Variants in CMIP observed in about 807,000 individuals in gnomAD.
CMIP encodes the protein c-Maf inducing protein.
CMIP carries 13 observed loss-of-function variants against 97.3 expected under a neutral mutation model. That is an observed-to-expected ratio of 0.13 (90% CI 0.09 to 0.21). The LOEUF is 0.21. Among genes scored for constraint, CMIP ranks in the 10% least tolerant of loss-of-function variants. The pLI is 1.00. For synonymous variants in CMIP, 538 were observed against 436.3 expected (o/e 1.23, Z -2.91); for missense variants, 847 against 1,024.9 (o/e 0.83, Z 2.37).
chr16:81,634,144 T>C (rs2092203368), intron 3 of CMIP, among the ~76,000 whole-genome samples: 1 of 152,170 alleles, frequency 6.6e-6, no homozygotes, highest in African/African-American at 2.4e-5. Context: ...AGCAAACTAT[T>C]TTAACATACC....
intron 10 of CMIP, among the ~76,000 whole-genome samples, chr16:81,688,386 C>T (rs550316000): frequency 2.0e-5 from 3 of 152,354 alleles, no homozygotes; most frequent in Non-Finnish European, 4.4e-5. Flanking sequence ...AGATCACAGC[C>T]GTGGCCTTTC....
At chr16:81,537,988 A>G (rs1209533856) in intron 1 of CMIP, among the ~76,000 whole-genome samples, 8 of 152,240 alleles carry the variant, frequency 5.3e-5, no homozygotes. Flanking sequence ...TTCCGGACAG[A>G]ACAATAACAA....
At chr16:81,587,286 A>G (rs190681787) in intron 1 of CMIP, among the ~76,000 whole-genome samples, 86 of 152,378 alleles carry the variant, frequency 5.6e-4, no homozygotes, top group African/African-American at 1.9e-3. Context: ...GGGCTGTACC[A>G]GCGATTAAAC....
At chr16:81,498,695 C>G (rs2089539797) in intron 1 of CMIP, among the ~76,000 whole-genome samples, 1 of 152,174 alleles carries the variant, frequency 6.6e-6, no homozygotes, top group African/African-American at 2.4e-5. Context: ...TCCTTGAGCA[C>G]ACATGTCCTG....
chr16:81,456,982 C>T (rs142507820), intron 1 of CMIP, among the ~76,000 whole-genome samples: 1 of 152,280 alleles, frequency 6.6e-6, no homozygotes, highest in African/African-American at 2.4e-5. Flanking sequence ...GTCACCTCAG[C>T]CTCCTCGCCT....
At chr16:81,574,397 C>T (rs2091153005) in intron 1 of CMIP, among the ~76,000 whole-genome samples, 1 of 152,220 alleles carries the variant, frequency 6.6e-6, no homozygotes, top group African/African-American at 2.4e-5. Context: ...GCAGGGGTGC[C>T]AGGCTTGGCA....
intron 1 of CMIP, among the ~76,000 whole-genome samples, chr16:81,557,137 C>T (rs547325161): frequency 6.6e-6 from 1 of 152,226 alleles, no homozygotes; most frequent in Non-Finnish European, 1.5e-5. Flanking sequence ...TACCAGAATC[C>T]TCTCTACTGT....
At chr16:81,524,848 C>T (rs1230532298) in intron 1 of CMIP, among the ~76,000 whole-genome samples, 3 of 150,378 alleles carry the variant, frequency 2.0e-5, no homozygotes, top group Admixed American at 1.3e-4. Flanking sequence ...GGCTGGAGTG[C>T]AGTGTTGCTA....
chr16:81,579,246 C>G (rs1362719100), intron 1 of CMIP, among the ~76,000 whole-genome samples: 1 of 152,108 alleles, frequency 6.6e-6, no homozygotes, highest in Non-Finnish European at 1.5e-5. Context: ...GCGGTCCTTG[C>G]AAGACAGAGG....
chr16:81,446,347 A>G (rs1905841080), intron 1 of CMIP, among the ~76,000 whole-genome samples: 1 of 152,148 alleles, frequency 6.6e-6, no homozygotes, highest in African/African-American at 2.4e-5. Context: ...TCGGAGAGGA[A>G]AAACCATTGA....
chr16:81,548,613 G>A (rs139729998), intron 1 of CMIP, among the ~76,000 whole-genome samples: 4 of 152,038 alleles, frequency 2.6e-5, no homozygotes, highest in Admixed American at 6.6e-5. Context: ...GGCTGAGGTG[G>A]GAGGATCACT....
At chr16:81,495,603 A>C (rs1597475183) in intron 1 of CMIP, 1 of 1,158,482 alleles carries the variant, frequency 8.6e-7, no homozygotes, top group East Asian at 2.5e-5. Flanking sequence ...CACTTCTCAG[A>C]GGGTGGGCAG....
chr16:81,625,077 G>T (rs982419251), intron 3 of CMIP, among the ~76,000 whole-genome samples: 15 of 152,246 alleles, frequency 9.9e-5, no homozygotes, highest in Non-Finnish European at 1.9e-4. Context: ...AGGTTCCAAG[G>T]CCACCAAGAA....
chr16:81,516,490 C>T (rs1258231894), intron 1 of CMIP, among the ~76,000 whole-genome samples: 1 of 152,176 alleles, frequency 6.6e-6, no homozygotes, highest in Admixed American at 6.5e-5. Flanking sequence ...CCACTCCCTT[C>T]CCTGGACACT....
chr16:81,619,261 C>CT (rs1010356906), intron 2 of CMIP: 1 of 152,158 alleles, frequency 6.6e-6, no homozygotes, highest in African/African-American at 2.4e-5. Flanking sequence ...GTTCAAAACT[C>CT]TGAGTCCCTG....
intron 1 of CMIP, among the ~76,000 whole-genome samples, chr16:81,495,023 T>C (rs2089464628): frequency 6.6e-6 from 1 of 152,212 alleles, no homozygotes; most frequent in African/African-American, 2.4e-5. Context: ...ACAATTCTGA[T>C]GACAAAACCT....
At chr16:81,469,827 G>A (rs1398906167) in intron 1 of CMIP, among the ~76,000 whole-genome samples, 7 of 152,184 alleles carry the variant, frequency 4.6e-5, no homozygotes, top group African/African-American at 1.2e-4. Flanking sequence ...GAGTATCAGA[G>A]CCACCAGGCC....
At chr16:81,634,909 T>C (rs2092214804) in intron 3 of CMIP, among the ~76,000 whole-genome samples, 1 of 152,154 alleles carries the variant, frequency 6.6e-6, no homozygotes, top group Non-Finnish European at 1.5e-5. Flanking sequence ...GAGGCCCCTG[T>C]TGAGATGCTA....
At chr16:81,488,456 A>G (rs2089354936) in intron 1 of CMIP, among the ~76,000 whole-genome samples, 1 of 152,176 alleles carries the variant, frequency 6.6e-6, no homozygotes, top group Non-Finnish European at 1.5e-5. Context: ...CGATGCACGG[A>G]GGGAGTGTGC....
Sources: gnomAD v4.1 joint callset for allele counts (sites outside exome capture counted in the v4.1 genomes callset) on GRCh38, gnomAD v4.1.1 for gene constraint, MANE v1.5 for transcripts, NCBI Gene and HGNC (gene_info 2026-07-23, HGNC 2026-07-21) for gene names.